Variants in NCAPG observed in about 807,000 individuals in gnomAD.
The protein encoded by NCAPG is condensin complex subunit 3.
NCAPG carries 69 observed loss-of-function variants against 113.1 expected under a neutral mutation model. The observed-to-expected ratio is 0.61, with a 90% CI of 0.50 to 0.75. NCAPG has a LOEUF of 0.75. Ranked by LOEUF, NCAPG falls within the 30% of genes least tolerant of loss-of-function variation. The probability of loss-of-function intolerance (pLI) is 0.00; values close to 1 mark genes in which losing one functional copy is unlikely to be tolerated. For synonymous variants in NCAPG, 370 were observed against 415.8 expected (o/e 0.89, Z 1.34); for missense variants, 1,058 against 1,177.0 (o/e 0.90, Z 1.48).
At position 17,811,052 on chromosome 4, in the gene NCAPG, A is replaced by G; in HGVS notation, c.-26A>G. 7.1e-7 allele frequency: 1 copy of G among 1,410,150 alleles called. No individual in the cohort carries two copies. Among genetic ancestry groups the G allele is most frequent in the Non-Finnish European group, 9.4e-7 (1 of 1,058,260 alleles). The allele number at this position is 1,410,150 out of a possible 1,614,324, so 87.4% of individuals were successfully genotyped here. ...CAGGCTGTAGCCGAGCGCGGGCAGGACTCGTCCCGGCAGGGTTCCAGAGCC... is the reference window on the plus strand; with the variant it reads ...CAGGCTGTAGCCGAGCGCGGGCAGGGCTCGTCCCGGCAGGGTTCCAGAGCC... On this transcript the variant is annotated 5_prime_UTR_variant, in exon 1 of 21. Coordinates refer to ENST00000251496, the MANE Select transcript of NCAPG (RefSeq NM_022346.5). This position sits in a 1 kb window ranked among gnomAD's most constrained non-coding sequence, Gnocchi z 5.3.
Position 17,811,706 on chromosome 4 carries a change from ATTTG to A in NCAPG, c.112-507_112-504del, listed in dbSNP as rs1445572083. 1.3e-5 allele frequency among the ~76,000 whole-genome samples: 2 copies of A among 152,150 alleles called. No individual in the cohort carries two copies. The highest frequency in any genetic ancestry group is 2.9e-5 in the Non-Finnish European group (2 of 68,012). On this transcript the variant is annotated intron_variant, in intron 1 of 20. Coordinates refer to ENST00000251496, the MANE Select transcript of NCAPG (RefSeq NM_022346.5). This position sits in a 1 kb window ranked among gnomAD's most constrained non-coding sequence, Gnocchi z 5.3. Reference sequence around the variant, plus strand: ...GGCCATTCTTATTTATGTACATACTATTTGTTTGTTTTGAGTGGAACCTTGAGAA... The same window carrying A: ...GGCCATTCTTATTTATGTACATACTATTTGTTTTGAGTGGAACCTTGAGAA...
rs368821223 is a variant in NCAPG, at chr4:17,811,122, G to T, written c.45G>T (p.Arg15=). 3.1e-5 allele frequency: 48 copies of T among 1,525,042 alleles called. No homozygotes were observed. The African/African-American group carries it at 5.8e-4, about 19-fold the overall frequency. 94.5% of individuals were successfully genotyped at this position (1,525,042 alleles called of 1,614,324 possible). Residue 15 remains arginine (R), a synonymous_variant, in exon 1 of 21, where the codon CGG becomes CGT. Coordinates refer to ENST00000251496, the MANE Select transcript of NCAPG (RefSeq NM_022346.5). The surrounding 1 kb of genome is among the most constrained non-coding windows in gnomAD (Gnocchi z 5.3). ...TGCTGTCGATTAAGGAGGCCTTTCGGCTGGCGCAGCAGCCGCACCAGAACC... is the reference window on the plus strand; with the variant it reads ...TGCTGTCGATTAAGGAGGCCTTTCGTCTGGCGCAGCAGCCGCACCAGAACC... The part of the protein sequence containing the change: ...RRLLSIKEAF[R]LAQQPHQNQA...
chr4:17,824,820 A>C (rs748808281), intron 9 of NCAPG, 148 bp from the exon 10 acceptor site: 9 of 498,320 alleles, frequency 1.8e-5, no homozygotes, highest in Non-Finnish European at 2.5e-5. Context: ...AAAATTGTCT[A>C]GCAAACAGAA....
At chr4:17,831,146 T>C (rs757077251) in intron 13 of NCAPG, 30 bp downstream of exon 13, 5 of 1,606,240 alleles carry the variant, frequency 3.1e-6, no homozygotes, top group Non-Finnish European at 8.5e-7. Context: ...AAATCTCAAC[T>C]GTATTTCCTG....
intron 13 of NCAPG, 80 bp downstream of exon 13, chr4:17,831,196 C>G: frequency 7.2e-6 from 10 of 1,396,658 alleles, no homozygotes; most frequent in Non-Finnish European, 9.8e-6. Context: ...CTGAATTTAT[C>G]TATTCTGATT....
At chr4:17,812,139 T>G in intron 1 of NCAPG, 82 bp from the exon 2 acceptor site, 5 of 999,900 alleles carry the variant, frequency 5.0e-6, no homozygotes. Context: ...TTATGGCTAG[T>G]GCTTTCATCA....
At chr4:17,839,982 T>C in intron 17 of NCAPG, 89 bp from the exon 18 acceptor site, 1 of 1,487,778 alleles carries the variant, frequency 6.7e-7, no homozygotes, top group Non-Finnish European at 9.0e-7. Context: ...TAATTTAGTG[T>C]TTTTAAACAA....
At chr4:17,816,973 C>T (rs1264852711) in intron 5 of NCAPG, among the ~76,000 whole-genome samples, 2 of 151,958 alleles carry the variant, frequency 1.3e-5, no homozygotes, top group Non-Finnish European at 2.9e-5. Context: ...ATTAGCTGGG[C>T]GTGGTGGCGC....
At position 17,814,909 on chromosome 4, in the gene NCAPG, T is replaced by C; in HGVS notation, c.601T>C (p.Ser201Pro). 1 of 1,614,200 alleles carries C rather than the reference T, an allele frequency of 6.2e-7. No individual in the cohort carries two copies. Among genetic ancestry groups the C allele is most frequent in the Non-Finnish European group, 8.5e-7 (1 of 1,180,024 alleles). ...SNPEVRRAVL[S>P]CIAPSAKTLP... ...TCCAGAAGTTAGACGGGCAGTGTTA[T>C]CATGTATTGCACCATCAGCAAAGAC... is the stretch of plus-strand genomic sequence containing the variant. Residue 201 changes from serine to proline, a missense_variant, in exon 4 of 21, where the codon TCA becomes CCA. By Grantham distance (74) the Ser-to-Pro change is moderately conservative. Coordinates refer to ENST00000251496, the MANE Select transcript of NCAPG (RefSeq NM_022346.5).
chr4:17,827,916 G>A (rs994670939), intron 11 of NCAPG, among the ~76,000 whole-genome samples: 15 of 149,842 alleles, frequency 1.0e-4, no homozygotes, highest in Non-Finnish European at 1.9e-4. Context: ...AGCCATTCTC[G>A]TGCCTCGGCC....
chr4:17,811,679 C>T lies in NCAPG; in HGVS notation c.111+491C>T, dbSNP rs933543975. Reference sequence around the variant, plus strand: ...CCAAATACCAAATTATTTTTAGGGCCTGGCCATTCTTATTTATGTACATAC... The same window carrying T: ...CCAAATACCAAATTATTTTTAGGGCTTGGCCATTCTTATTTATGTACATAC... On this transcript the variant is annotated intron_variant, in intron 1 of 20. Coordinates refer to ENST00000251496, the MANE Select transcript of NCAPG (RefSeq NM_022346.5). This position sits in a 1 kb window ranked among gnomAD's most constrained non-coding sequence, Gnocchi z 5.3. Among the ~76,000 whole-genome samples the T allele has an allele frequency of 1.3e-5, 2 of 152,170 alleles. No homozygotes were observed. The highest frequency in any genetic ancestry group is 4.8e-5 in the African/African-American group (2 of 41,446).
rs1577328780 is a variant in NCAPG at position 17,811,220 on chromosome 4, C to G, written c.111+32C>G. ...GCTCCCGGCCCCGGCCGCCGCCTCT[C>G]GCCCGCCCCGGCCCACCCTCCCTCA... On this transcript the variant is annotated intron_variant, in intron 1 of 20. Transcript: ENST00000251496. This position sits in a 1 kb window ranked among gnomAD's most constrained non-coding sequence, Gnocchi z 5.3. 3.7e-6 allele frequency: 5 copies of G among 1,365,114 alleles called. No individual in the cohort carries two copies. The African/African-American group carries it at 7.6e-5, about 21-fold the overall frequency. 84.6% of individuals were successfully genotyped at this position (1,365,114 alleles called of 1,614,324 possible).
chr4:17,837,083 T>C, intron 14 of NCAPG, 76 bp from the exon 15 acceptor site: 1 of 1,309,074 alleles, frequency 7.6e-7, no homozygotes, highest in Non-Finnish European at 1.1e-6. Context: ...GTAAAAATAC[T>C]GTAGGACAGG....
chr4:17,828,340 C>T lies in NCAPG; in HGVS notation c.1716C>T (p.Ser572=). 6.2e-7 allele frequency: 1 copy of T among 1,607,908 alleles called. No individual in the cohort carries two copies. The highest frequency in any genetic ancestry group is 8.5e-7 in the Non-Finnish European group (1 of 1,176,764). ...ILCYELLKQM[S]ISTGLSATMN... ...GCTATGAACTGTTGAAGCAGATGTC[C>T]ATTTCAACAGGCTTAAGTGCAACCA... The change falls in exon 12 of 21, where the codon TCC becomes TCT. Residue 572 remains serine, a synonymous_variant. Transcript: ENST00000251496.
chr4:17,818,166 C>T (rs927566851), intron 7 of NCAPG, 78 bp downstream of exon 7: 2 of 1,431,854 alleles, frequency 1.4e-6, no homozygotes, highest in African/African-American at 1.4e-5. Context: ...TCCTCAAAGT[C>T]ATGTTTGATT....
chr4:17,814,446 A>G (rs1378712083), intron 3 of NCAPG, among the ~76,000 whole-genome samples: 3 of 152,162 alleles, frequency 2.0e-5, no homozygotes, highest in East Asian at 3.9e-4. Flanking sequence ...AACTTCAACT[A>G]AAATATGTGA....
intron 19 of NCAPG, chr4:17,842,047 G>A (rs1188911469): frequency 2.8e-6 from 1 of 362,452 alleles, no homozygotes; most frequent in African/African-American, 2.1e-5. Context: ...ACTAAAATTT[G>A]CCTTCTTTTA....
intron 14 of NCAPG, among the ~76,000 whole-genome samples, chr4:17,836,456 A>AT (rs1722098227): frequency 6.6e-6 from 1 of 152,152 alleles, no homozygotes; most frequent in African/African-American, 2.4e-5. Context: ...AGATACACTC[A>AT]TTTTTTTCTT....
At chr4:17,826,646 G>C (rs1484322507) in intron 11 of NCAPG, among the ~76,000 whole-genome samples, 2 of 152,148 alleles carry the variant, frequency 1.3e-5, no homozygotes, top group Non-Finnish European at 2.9e-5. Flanking sequence ...GACTTGCTTT[G>C]ACCATTTATG....
Sources: gnomAD v4.1 joint callset for allele counts (sites outside exome capture counted in the v4.1 genomes callset) on GRCh38, gnomAD v4.1.1 for gene constraint, Gnocchi (gnomAD v3.1) non-coding constraint, MANE v1.5 for transcripts, NCBI Gene and HGNC (gene_info 2026-07-23, HGNC 2026-07-21) for gene names.